The following JOSD1 variants were observed in gnomAD, a reference collection of about 807,000 sequenced individuals.
The protein encoded by JOSD1 is Josephin domain containing 1, also known as josephin-1.
Under a neutral mutation model 24.3 loss-of-function variants are expected in JOSD1, and 11 were observed. The ratio of observed to expected loss-of-function variants is 0.45; its 90% CI spans 0.29 to 0.75. JOSD1 has a LOEUF of 0.75. Ranked by LOEUF, JOSD1 falls within the 30% of genes least tolerant of loss-of-function variation. JOSD1 has a pLI of 0.11. For synonymous variants in JOSD1, 106 were observed against 93.8 expected (o/e 1.13, Z -0.75); for missense variants, 184 against 253.5 (o/e 0.73, Z 1.86).
At position 38,699,871 on chromosome 22, in the gene JOSD1, G is replaced by T; in HGVS notation, c.117C>A (p.His39Gln). 1 of 1,614,218 alleles carries T rather than the reference G, an allele frequency of 6.2e-7. No homozygotes were observed. Among genetic ancestry groups the T allele is most frequent in the Non-Finnish European group, 8.5e-7 (1 of 1,180,038 alleles). ...EKQRRELCAL[H>Q]ALNNVFQDSN... ...TGTCCTGGAAGACGTTATTGAGGGC[G>T]TGGAGGGCACAAAGCTCCCTGCGCT... Residue 39 changes from histidine (H) to glutamine (Q), a missense_variant, in exon 2 of 5, where the codon CAC becomes CAA. Coordinates refer to ENST00000683374, the MANE Select transcript of JOSD1 (RefSeq NM_001360236.2).
At chr22:38,700,982 C>T, upstream of JOSD1, 8 of 984,962 alleles carry the variant, frequency 8.1e-6, no homozygotes, top group South Asian at 1.4e-4. Context: ...CCGACGTCAG[C>T]GGCCCCCGCC....
intron 2 of JOSD1, among the ~76,000 whole-genome samples, chr22:38,690,532 A>G (rs1053852790): frequency 6.6e-6 from 1 of 151,648 alleles, no homozygotes; most frequent in Admixed American, 6.6e-5. Flanking sequence ...CCTCCCAAGT[A>G]GCTGGGATTA....
intron 2 of JOSD1, among the ~76,000 whole-genome samples, chr22:38,690,441 C>T (rs1001867625): frequency 1.3e-5 from 2 of 151,436 alleles, no homozygotes; most frequent in South Asian, 4.2e-4. Context: ...CTTGCTCTGT[C>T]GCCCAGGCTG....
intron 2 of JOSD1, among the ~76,000 whole-genome samples, chr22:38,690,685 G>C (rs1037788273): frequency 1.3e-5 from 2 of 152,102 alleles, no homozygotes; most frequent in African/African-American, 4.8e-5. Flanking sequence ...GATTACAGGT[G>C]TGAGCCACTG....
intron 2 of JOSD1, among the ~76,000 whole-genome samples, chr22:38,697,896 C>G (rs551451779): frequency 7.2e-5 from 11 of 152,358 alleles, no homozygotes; most frequent in Admixed American, 3.9e-4. Flanking sequence ...GAAGTGAAAA[C>G]TTTTCTACCA....
At chr22:38,688,212 C>A (rs2092506462) in intron 4 of JOSD1, among the ~76,000 whole-genome samples, 1 of 152,246 alleles carries the variant, frequency 6.6e-6, no homozygotes, top group Non-Finnish European at 1.5e-5. Flanking sequence ...GTAGTTACTG[C>A]CAAGAGTAGC....
intron 3 of JOSD1, 64 bp downstream of exon 3, chr22:38,689,232 A>G: frequency 6.2e-7 from 1 of 1,607,160 alleles, no homozygotes; most frequent in Middle Eastern, 1.7e-4. Flanking sequence ...CCATGAGCCC[A>G]AGTACTAAAA....
At position 38,700,299 on chromosome 22, in the gene JOSD1, C is replaced by A; in HGVS notation, c.-312G>T. 1 of 1,038,390 alleles carries A rather than the reference C, an allele frequency of 9.6e-7. No homozygotes were observed. Among genetic ancestry groups the A allele is most frequent in the Non-Finnish European group, 1.2e-6 (1 of 862,852 alleles). 64.3% of individuals were successfully genotyped at this position (1,038,390 alleles called of 1,614,324 possible). Reference sequence around the variant, plus strand: ...CCGTTTCCCCACCCTTCCCTCCCACCCCCCTCCAAAATCCCCACGATTTTC... The same window carrying A: ...CCGTTTCCCCACCCTTCCCTCCCACACCCCTCCAAAATCCCCACGATTTTC... On this transcript the variant is annotated 5_prime_UTR_variant, in exon 2 of 5. Coordinates refer to ENST00000683374, the MANE Select transcript of JOSD1 (RefSeq NM_001360236.2).
chr22:38,691,172 T>C (rs2092520287), intron 2 of JOSD1, among the ~76,000 whole-genome samples: 1 of 151,900 alleles, frequency 6.6e-6, no homozygotes, highest in Non-Finnish European at 1.5e-5. Context: ...AGAGACCAGC[T>C]TGGGCAACAT....
At chr22:38,696,056 C>A (rs978119885) in intron 2 of JOSD1, among the ~76,000 whole-genome samples, 2 of 151,948 alleles carry the variant, frequency 1.3e-5, no homozygotes, top group Non-Finnish European at 2.9e-5. Context: ...GACTCCGTCT[C>A]GGGTGGGGGG....
chr22:38,689,164 G>T (rs751129967), intron 3 of JOSD1, 35 bp from the exon 4 acceptor site: 1 of 1,603,524 alleles, frequency 6.2e-7, no homozygotes, highest in East Asian at 2.2e-5. Context: ...CTCTGATGCA[G>T]CCCATTTTCC....
At chr22:38,690,541 T>G (rs1234087621) in intron 2 of JOSD1, among the ~76,000 whole-genome samples, 4 of 152,004 alleles carry the variant, frequency 2.6e-5, no homozygotes, top group Non-Finnish European at 5.9e-5. Flanking sequence ...TAGCTGGGAT[T>G]ACAGGCACCC....
At chr22:38,699,607 A>G (rs530836439) in intron 2 of JOSD1, among the ~76,000 whole-genome samples, 196 bp downstream of exon 2, 1 of 152,354 alleles carries the variant, frequency 6.6e-6, no homozygotes, top group South Asian at 2.1e-4. Flanking sequence ...AGCTGAGGCT[A>G]TGAGTACTTT....
intron 2 of JOSD1, among the ~76,000 whole-genome samples, chr22:38,690,626 C>T (rs868363387): frequency 5.5e-4 from 83 of 152,094 alleles, no homozygotes; most frequent in African/African-American, 2.0e-3. Context: ...TGGTTGGTCT[C>T]GAACTCCTAA....
intron 1 of JOSD1, 26 bp from the exon 2 acceptor site, chr22:38,700,644 C>CAGCGGCG (rs2092564957): frequency 1.0e-6 from 1 of 983,990 alleles, no homozygotes; most frequent in Non-Finnish European, 1.2e-6. Flanking sequence ...CAACTCCGGT[C>CAGCGGCG]AGCGGCGAGC....
At chr22:38,700,961 C>T, upstream of JOSD1, 1 of 984,912 alleles carries the variant, frequency 1.0e-6, no homozygotes, top group Non-Finnish European at 1.2e-6. Context: ...GGCGGGCGCG[C>T]GCACCTGAGC....
intron 2 of JOSD1, 96 bp downstream of exon 2, chr22:38,699,706 AC>A: frequency 7.7e-6 from 9 of 1,163,862 alleles, no homozygotes; most frequent in Non-Finnish European, 1.2e-5. Flanking sequence ...TCTAGCTAAT[AC>A]CTACAGCTTT....
chr22:38,700,986 C>G, upstream of JOSD1: 2 of 985,038 alleles, frequency 2.0e-6, no homozygotes, highest in Non-Finnish European at 2.4e-6. Context: ...CGTCAGCGGC[C>G]CCCGCCCGGC....
chr22:38,690,300 G>A (rs1416506475), intron 2 of JOSD1, among the ~76,000 whole-genome samples: 2 of 152,118 alleles, frequency 1.3e-5, no homozygotes, highest in Non-Finnish European at 1.5e-5. Flanking sequence ...GCCATCTCCA[G>A]AAAAGAATCA....
Sources: allele counts gnomAD v4.1 joint callset (sites outside exome capture counted in the v4.1 genomes callset), GRCh38; gene constraint gnomAD v4.1.1; transcripts MANE v1.5; gene names NCBI Gene and HGNC (gene_info 2026-07-23, HGNC 2026-07-21).